Variants in CFAP74 observed in about 807,000 individuals in gnomAD.
The protein encoded by CFAP74 is cilia- and flagella-associated protein 74.
In CFAP74, 124 loss-of-function variants were observed where a neutral mutation model predicts 188.9. The ratio of observed to expected loss-of-function variants is 0.66; its 90% CI spans 0.57 to 0.76. The LOEUF (loss-of-function observed/expected upper bound fraction) is 0.76. CFAP74 is among the 30% of genes least tolerant of loss of function. The pLI is 0.00. For synonymous variants in CFAP74, 956 were observed against 916.7 expected (o/e 1.04, Z -0.77); for missense variants, 2,198 against 2,165.2 (o/e 1.02, Z -0.30).
chr1:1,924,557 CCTGCCTGG>C, intron 33 of CFAP74, 37 bp from the exon 34 acceptor site: 1 of 1,578,300 alleles, frequency 6.3e-7, no homozygotes, highest in Admixed American at 1.8e-5. Context: ...CCCGCCAGCC[CCTGCCTGG>C]CTGCCCCCTT....
intron 21 of CFAP74, 116 bp downstream of exon 21, chr1:1,944,215 G>GTGTGGGT: frequency 2.1e-6 from 3 of 1,457,132 alleles, no homozygotes; most frequent in Middle Eastern, 2.5e-4. Flanking sequence ...CACCCCGTGT[G>GTGTGGGT]CGTGGGTCAC....
chr1:1,962,348 C>T (rs1488394324), intron 14 of CFAP74, among the ~76,000 whole-genome samples: 5 of 151,714 alleles, frequency 3.3e-5, no homozygotes, highest in Admixed American at 1.3e-4. Flanking sequence ...TGGTGGCAGG[C>T]GCCTGTTATC....
In CFAP74 at chr1:1,944,348, A is replaced by T; in HGVS notation, c.2469T>A (p.Ser823=). Residue 823 remains serine, a synonymous_variant, in exon 21 of 39, where the codon TCT becomes TCA. Transcript: ENST00000682832. ...ICMYDRLYQD[S]VLVHTRSKAA... ...GGGCTCACCGCGTGTGCACGAGCACAGAGTCCTGGTAGAGCCGGTCATACA... is the reference window on the plus strand; with the variant it reads ...GGGCTCACCGCGTGTGCACGAGCACTGAGTCCTGGTAGAGCCGGTCATACA... 6.5e-7 allele frequency: 1 copy of T among 1,535,656 alleles called. No individual in the cohort carries two copies. The highest frequency in any genetic ancestry group is 2.4e-5 in the East Asian group (1 of 40,922).
intron 18 of CFAP74, 174 bp downstream of exon 18, chr1:1,955,517 A>T (rs1309242678): frequency 6.2e-7 from 1 of 1,608,742 alleles, no homozygotes; most frequent in Non-Finnish European, 8.5e-7. Context: ...CCACTCCAAA[A>T]ACAACACTTA....
rs1655267751 is a variant in CFAP74 at position 1,963,798 on chromosome 1, A to C, written c.1645T>G (p.Cys549Gly). The C allele has an allele frequency of 1.2e-6, 2 of 1,614,032 alleles. No individual in the cohort carries two copies. Among genetic ancestry groups the C allele is most frequent in the South Asian group, 2.2e-5 (2 of 91,056 alleles). The change falls in exon 14 of 39, where the codon TGC becomes GGC. Residue 549 changes from cysteine to glycine, a missense_variant. Physicochemically the swap from Cys to Gly is radical, Grantham distance 159. Coordinates refer to ENST00000682832, the MANE Select transcript of CFAP74 (RefSeq NM_001304360.2). ...LVNTTYTINY[C>G]KLVGVEEHLR... ...TGCTCCTCCACGCCCACCAGCTTGCAGTAGTTGATCGTGTAGGTGGTGTTT... is the reference window on the plus strand; with the variant it reads ...TGCTCCTCCACGCCCACCAGCTTGCCGTAGTTGATCGTGTAGGTGGTGTTT...
intron 4 of CFAP74, chr1:1,988,259 G>A: frequency 1.5e-6 from 1 of 651,682 alleles, no homozygotes; most frequent in Non-Finnish European, 2.8e-6. Flanking sequence ...AAGCTTGACA[G>A]GTGGCAACTC....
At chr1:1,990,692 G>A (rs1415039676) in intron 2 of CFAP74, among the ~76,000 whole-genome samples, 198 bp downstream of exon 2, 1 of 152,190 alleles carries the variant, frequency 6.6e-6, no homozygotes, top group African/African-American at 2.4e-5. Flanking sequence ...ACTATGGTCT[G>A]CCGCCTTCAA....
chr1:1,961,928 G>C (rs989501455), intron 14 of CFAP74, among the ~76,000 whole-genome samples: 2 of 152,350 alleles, frequency 1.3e-5, no homozygotes, highest in East Asian at 1.9e-4. Flanking sequence ...CAGAGCCCAC[G>C]CGCCCCTGGG....
At chr1:1,967,699 A>T (rs960870940) in intron 11 of CFAP74, among the ~76,000 whole-genome samples, 1 of 152,208 alleles carries the variant, frequency 6.6e-6, no homozygotes, top group African/African-American at 2.4e-5. Flanking sequence ...CATCGGTTGC[A>T]GCAGTGACCT....
intron 15 of CFAP74, 66 bp downstream of exon 15, chr1:1,959,898 T>C (rs976605097): frequency 7.0e-5 from 98 of 1,393,298 alleles, no homozygotes; most frequent in Admixed American, 2.3e-4. Context: ...TGCGCCACCA[T>C]GCCCGATCAC....
chr1:1,938,772 G>C (rs939849261), intron 25 of CFAP74, 83 bp downstream of exon 25: 81 of 1,454,320 alleles, frequency 5.6e-5, no homozygotes, highest in Non-Finnish European at 7.3e-5. Context: ...GTCAGGGGCG[G>C]GGATGTGGTG....
chr1:1,972,838 T>C, intron 8 of CFAP74, 99 bp downstream of exon 8: 1 of 858,424 alleles, frequency 1.2e-6, no homozygotes, highest in South Asian at 1.5e-5. Context: ...CAAGGCTCCA[T>C]CTTAAATAAA....
At chr1:2,002,824 T>C (rs1658272413) in intron 1 of CFAP74, among the ~76,000 whole-genome samples, 1 of 150,460 alleles carries the variant, frequency 6.6e-6, no homozygotes, top group Non-Finnish European at 1.5e-5. Context: ...TAAAATTTTA[T>C]ATAAAGTTTA....
chr1:1,964,618 C>T (rs1570929177), intron 13 of CFAP74, among the ~76,000 whole-genome samples: 2 of 152,290 alleles, frequency 1.3e-5, no homozygotes, highest in African/African-American at 4.8e-5. Flanking sequence ...GGTGAAACCC[C>T]GTCTCTACTA....
rs1175538659 is a variant in CFAP74, at chr1:1,956,649, T to C, written c.1987A>G (p.Met663Val). ...TTCAGGGCAGACTGGGAGTCGTCCA[T>C]CTCACAGGGCTCTGAAGCTGGCAGG... is the stretch of plus-strand genomic sequence containing the variant. ...KFLPASEPCE[M>V]DDSQSALKLS... is the part of the protein sequence containing the mutation. Residue 663 changes from methionine (M) to valine (V), a missense_variant, in exon 17 of 39, where the codon ATG (methionine) becomes GTG (valine). Physicochemically the swap from Met to Val is conservative, Grantham distance 21. Coordinates refer to ENST00000682832, the MANE Select transcript of CFAP74 (RefSeq NM_001304360.2). 3 of 1,614,150 alleles carry C rather than the reference T, an allele frequency of 1.9e-6. No homozygotes were observed. The highest frequency in any genetic ancestry group is 2.5e-6 in the Non-Finnish European group (3 of 1,180,010).
chr1:1,942,046 T>G lies in CFAP74; in HGVS notation c.2597A>C (p.Gln866Pro). ...YIQAQSSYSV[Q>P]LKFLPRHSLP... Reference sequence around the variant, plus strand: ...CACCTACCGCGGCAGGAACTTGAGCTGCACGGAGTAGGACGACTGTGCCTG... The same window carrying G: ...CACCTACCGCGGCAGGAACTTGAGCGGCACGGAGTAGGACGACTGTGCCTG... The change falls in exon 22 of 39, where the codon CAG (glutamine) becomes CCG (proline). Residue 866 changes from glutamine to proline, a missense_variant. Physicochemically the swap from Gln to Pro is moderately conservative, Grantham distance 76. Coordinates refer to ENST00000682832, the MANE Select transcript of CFAP74 (RefSeq NM_001304360.2). The surrounding 1 kb of genome is among the most constrained non-coding windows in gnomAD (Gnocchi z 4.3). 6.6e-7 allele frequency: 1 copy of G among 1,517,760 alleles called. No homozygotes were observed. The highest frequency in any genetic ancestry group is 8.8e-7 in the Non-Finnish European group (1 of 1,138,972). The allele number at this position is 1,517,760 out of a possible 1,614,324, so 94.0% of individuals were successfully genotyped here.
At chr1:1,989,412 C>T (rs1258525403) in intron 2 of CFAP74, among the ~76,000 whole-genome samples, 1 of 152,216 alleles carries the variant, frequency 6.6e-6, no homozygotes. Flanking sequence ...CTACGGCCCC[C>T]GAGCGTTCCT....
Position 1,988,960 on chromosome 1 carries a change from TA to T in CFAP74, c.80del (p.Leu27Ter). 6.5e-7 allele frequency: 1 copy of T among 1,541,328 alleles called. No individual in the cohort carries two copies. The highest frequency in any genetic ancestry group is 8.9e-7 in the Non-Finnish European group (1 of 1,127,566). ...ALLLEDERDE[L>X]EDPEFDIKCL... is the part of the protein sequence containing the mutation. Reference sequence around the variant, plus strand: ...ATTTGATGTCAAACTCCGGATCCTCTAATTCATCTCTTTCTAGAAATCAAGG... The same window carrying T: ...ATTTGATGTCAAACTCCGGATCCTCTATTCATCTCTTTCTAGAAATCAAGG... On this transcript the variant is annotated frameshift_variant, in exon 3 of 39. Transcript: ENST00000682832. LOFTEE classifies it high-confidence loss of function.
chr1:1,965,097 C>T (rs756793857), intron 12 of CFAP74, 36 bp from the exon 13 acceptor site: 23 of 1,593,874 alleles, frequency 1.4e-5, no homozygotes, highest in South Asian at 4.4e-5. Context: ...GGGCTGTTAG[C>T]GGCTCCACCT....
Sources: allele counts gnomAD v4.1 joint callset (sites outside exome capture counted in the v4.1 genomes callset), GRCh38; gene constraint gnomAD v4.1.1; non-coding constraint Gnocchi (gnomAD v3.1); transcripts MANE v1.5; gene names NCBI Gene and HGNC (gene_info 2026-07-23, HGNC 2026-07-21).